The following ZIM2 variants were observed in gnomAD, a reference collection of about 807,000 sequenced individuals.
The protein encoded by ZIM2 is zinc finger protein 656.
A neutral mutation model predicts 38.6 loss-of-function variants in ZIM2; 14 were observed. The ratio of observed to expected loss-of-function variants is 0.36; its 90% CI spans 0.24 to 0.57. ZIM2 has a LOEUF of 0.57. Ranked by LOEUF, ZIM2 falls within the 20% of genes least tolerant of loss-of-function variation. The pLI, the probability that ZIM2 is intolerant of heterozygous loss-of-function variation, is 0.81. For synonymous variants in ZIM2, 247 were observed against 245.8 expected, an observed-to-expected ratio of 1.00 and a Z score of -0.04; for missense variants, 680 against 695.1, an observed-to-expected ratio of 0.98 and a Z score of 0.24.
At position 56,823,960 on chromosome 19, in the gene ZIM2, C is replaced by A. The variant is rs145035068; in HGVS notation, c.17-281G>T. ...CACACCACACCAAAAAGGCAGGAGC[C>A]ATAGGAGGTTTTCTCCCTTCTACAG... On this transcript the variant is annotated intron_variant, in intron 4 of 12. Coordinates refer to ENST00000629319, the MANE Select transcript of ZIM2 (RefSeq NM_001387356.1). Among the ~76,000 whole-genome samples the A allele has an allele frequency of 4.5e-3, 688 of 152,268 alleles. 5 individuals are homozygous for A. The Middle Eastern group carries it at 0.071, about 16-fold the overall frequency.
intron 9 of ZIM2, among the ~76,000 whole-genome samples, chr19:56,807,961 C>G (rs992515136): frequency 6.6e-6 from 1 of 152,164 alleles, no homozygotes; most frequent in South Asian, 2.1e-4. Flanking sequence ...AGTAGGACAG[C>G]AATCAAAGAA....
chr19:56,777,056 A>G (rs1475793427), intron 12 of ZIM2, among the ~76,000 whole-genome samples: 2 of 152,100 alleles, frequency 1.3e-5, no homozygotes, highest in African/African-American at 4.8e-5. Flanking sequence ...TATAAAGGCA[A>G]CTCTCTGGTT....
At chr19:56,812,660 C>T in intron 9 of ZIM2, 2 of 985,706 alleles carry the variant, frequency 2.0e-6, no homozygotes, top group Non-Finnish European at 2.4e-6. Flanking sequence ...ACATTATTTA[C>T]AGCATGAGAG....
intron 2 of ZIM2, among the ~76,000 whole-genome samples, chr19:56,834,504 C>G (rs1017123837): frequency 6.6e-6 from 1 of 152,208 alleles, no homozygotes; most frequent in African/African-American, 2.4e-5. Context: ...CTGCTGAGTA[C>G]TTGGGTCCCT....
rs2060861229 is a variant in ZIM2 at position 56,824,792 on chromosome 19, A to G, written c.-150-365T>C. 4 of 802,868 alleles carry G rather than the reference A, an allele frequency of 5.0e-6. No individual in the cohort carries two copies. In the South Asian group the frequency reaches 5.6e-5, roughly 11 times the overall value. 49.7% of individuals were successfully genotyped at this position (802,868 alleles called of 1,614,324 possible). A position where few individuals can be genotyped will look rare whatever the true frequency, so the allele number is the denominator to read the frequency against. On this transcript the variant is annotated intron_variant, in intron 3 of 12. Transcript: ENST00000629319. Reference sequence around the variant, plus strand: ...ATGTCCCAGAAGTTGAAGACCAGGCAGCAGTGGAGGCCACCTTACCAGAGG... The same window carrying G: ...ATGTCCCAGAAGTTGAAGACCAGGCGGCAGTGGAGGCCACCTTACCAGAGG...
At chr19:56,777,265 G>A (rs2046070409) in intron 12 of ZIM2, among the ~76,000 whole-genome samples, 1 of 152,204 alleles carries the variant, frequency 6.6e-6, no homozygotes, top group South Asian at 2.1e-4. Context: ...GACTCTTTTA[G>A]GAAGTGGTCT....
intron 9 of ZIM2, chr19:56,817,123 G>A: frequency 6.2e-7 from 1 of 1,614,128 alleles, no homozygotes; most frequent in Non-Finnish European, 8.5e-7. Context: ...CTGTGACTCG[G>A]TAAAGGAGGG....
In ZIM2 at chr19:56,814,974, AT is replaced by A; in HGVS notation, c.490+2771del. The A allele has an allele frequency of 6.2e-7, 1 of 1,614,098 alleles. No individual in the cohort carries two copies. Among genetic ancestry groups the A allele is most frequent in the Non-Finnish European group, 8.5e-7 (1 of 1,180,008 alleles). On this transcript the variant is annotated intron_variant, in intron 9 of 12. Coordinates refer to ENST00000629319, the MANE Select transcript of ZIM2 (RefSeq NM_001387356.1). The surrounding 1 kb of genome is among the most constrained non-coding windows in gnomAD (Gnocchi z 5.8). ...ATTCATACAGCTGCTCTCCAGTGTAATCTCTCTGATACTCGCTGATGGAATG... is the reference window on the plus strand; with the variant it reads ...ATTCATACAGCTGCTCTCCAGTGTAACTCTCTGATACTCGCTGATGGAATG...
At chr19:56,821,867 G>A (rs2060522698) in intron 6 of ZIM2, 113 bp from the exon 7 acceptor site, 3 of 1,126,538 alleles carry the variant, frequency 2.7e-6, no homozygotes, top group Non-Finnish European at 3.9e-6. Flanking sequence ...GAGAGCAAGT[G>A]CCTTTCTCTT....
At position 56,822,764 on chromosome 19, in the gene ZIM2, T is replaced by G; in HGVS notation, c.179A>C (p.Asn60Thr). The G allele has an allele frequency of 6.2e-7, 1 of 1,614,112 alleles. No homozygotes were observed. ...EPRDRWSHTR[N>T]PRSRMPPRDL... ...TGGTTAAGACTCACTGCTTCTTGGGTTCCTGGTGTGGGACCAGCGGTCTCG... is the reference window on the plus strand; with the variant it reads ...TGGTTAAGACTCACTGCTTCTTGGGGTCCTGGTGTGGGACCAGCGGTCTCG... The change falls in exon 6 of 13, where the codon AAC (asparagine) becomes ACC (threonine). Residue 60 changes from asparagine to threonine, a missense_variant. By Grantham distance (65) the Asn-to-Thr change is moderately conservative. Transcript: ENST00000629319.
chr19:56,779,229 T>A, intron 12 of ZIM2, 148 bp downstream of exon 12: 4 of 662,414 alleles, frequency 6.0e-6, no homozygotes, highest in Non-Finnish European at 2.6e-6. Context: ...CATGAAGAGA[T>A]GGGCTTCAGA....
intron 9 of ZIM2, chr19:56,812,761 C>T (rs1022396176): frequency 2.0e-6 from 2 of 982,232 alleles, no homozygotes; most frequent in African/African-American, 1.8e-5. Flanking sequence ...GTAAGATTTA[C>T]AGGGAAAAGC....
At chr19:56,797,761 T>A (rs577863671) in intron 9 of ZIM2, among the ~76,000 whole-genome samples, 1 of 152,126 alleles carries the variant, frequency 6.6e-6, no homozygotes, top group African/African-American at 2.4e-5. Context: ...TTTTGGGGGA[T>A]TGGAAGAAAT....
chr19:56,815,105 C>T (rs771243590), intron 9 of ZIM2: 2 of 1,613,730 alleles, frequency 1.2e-6, no homozygotes, highest in East Asian at 2.2e-5. Context: ...AAGCCCAGGC[C>T]ACAGTCCTCA....
At chr19:56,834,278 G>A (rs920473667) in intron 2 of ZIM2, among the ~76,000 whole-genome samples, 1 of 152,152 alleles carries the variant, frequency 6.6e-6, no homozygotes, top group Non-Finnish European at 1.5e-5. Context: ...GGGAGGACAA[G>A]GGTGTTAGAT....
At chr19:56,781,252 T>G (rs924895479) in intron 11 of ZIM2, among the ~76,000 whole-genome samples, 87 of 151,800 alleles carry the variant, frequency 5.7e-4, no homozygotes, top group Non-Finnish European at 1.1e-3. Flanking sequence ...GTGTTTGTTT[T>G]GGATTCTGTT....
intron 9 of ZIM2, among the ~76,000 whole-genome samples, chr19:56,807,925 G>A (rs1296192563): frequency 1.3e-5 from 2 of 152,234 alleles, no homozygotes; most frequent in African/African-American, 2.4e-5. Context: ...GCTTAAAATA[G>A]TGAGTAAAGA....
At chr19:56,783,887 T>C (rs954454234) in intron 10 of ZIM2, among the ~76,000 whole-genome samples, 12 of 152,112 alleles carry the variant, frequency 7.9e-5, no homozygotes, top group Non-Finnish European at 1.5e-5. Context: ...CCTGAGGCAA[T>C]AGGATACTTA....
chr19:56,801,468 T>C (rs1005354411), intron 9 of ZIM2, among the ~76,000 whole-genome samples: 14 of 152,178 alleles, frequency 9.2e-5, no homozygotes, highest in African/African-American at 3.1e-4. Context: ...AGTGCGGAAA[T>C]AGAGATGTTT....
Sources: allele counts gnomAD v4.1 joint callset (sites outside exome capture counted in the v4.1 genomes callset), GRCh38; gene constraint gnomAD v4.1.1; non-coding constraint Gnocchi (gnomAD v3.1); transcripts MANE v1.5; gene names NCBI Gene and HGNC (gene_info 2026-07-23, HGNC 2026-07-21).